BPIFB1: variants seen among roughly 807,000 people sequenced by gnomAD.
The protein encoded by BPIFB1 is BPI fold containing family B member 1.
Under a neutral mutation model 55.1 loss-of-function variants are expected in BPIFB1, and 34 were observed. The ratio of observed to expected loss-of-function variants is 0.62; its 90% CI spans 0.47 to 0.82. The LOEUF (loss-of-function observed/expected upper bound fraction) is 0.82. Ranked by LOEUF, BPIFB1 falls within the 40% of genes least tolerant of loss-of-function variation. The pLI is 0.00. For missense variants in BPIFB1, 532 were observed against 593.1 expected (o/e 0.90, Z 1.07); for synonymous variants, 236 against 245.3 (o/e 0.96, Z 0.35).
intron 11 of BPIFB1, among the ~76,000 whole-genome samples, chr20:33,303,492 C>T (rs1481909169): frequency 6.6e-6 from 1 of 152,180 alleles, no homozygotes; most frequent in Non-Finnish European, 1.5e-5. Context: ...GCATTAGGCT[C>T]ATATCCTATC....
At chr20:33,288,032 C>A (rs1231008852) in intron 2 of BPIFB1, among the ~76,000 whole-genome samples, 1 of 152,216 alleles carries the variant, frequency 6.6e-6, no homozygotes, top group Non-Finnish European at 1.5e-5. Context: ...AACCCAGGAG[C>A]TCTGATACAC....
intron 13 of BPIFB1, among the ~76,000 whole-genome samples, chr20:33,305,320 T>C (rs1980988257): frequency 1.4e-5 from 2 of 144,014 alleles, no homozygotes; most frequent in South Asian, 4.7e-4. Flanking sequence ...TTTTGACTTT[T>C]TTTTTTTTTT....
intron 10 of BPIFB1, 76 bp downstream of exon 10, chr20:33,302,488 A>G: frequency 6.8e-7 from 1 of 1,470,160 alleles, no homozygotes; most frequent in South Asian, 1.1e-5. Context: ...AGGAGAATCT[A>G]GTGGGACTAG....
chr20:33,288,270 C>A (rs937649110), intron 2 of BPIFB1, among the ~76,000 whole-genome samples: 4 of 152,240 alleles, frequency 2.6e-5, no homozygotes, highest in Admixed American at 1.3e-4. Context: ...CTGGCTCCTT[C>A]TTCCTCTGCT....
At chr20:33,292,309 A>G (rs1980500524) in intron 6 of BPIFB1, among the ~76,000 whole-genome samples, 1 of 152,158 alleles carries the variant, frequency 6.6e-6, no homozygotes, top group South Asian at 2.1e-4. Context: ...CCTGGTGGAA[A>G]TACTCCCTTC....
intron 14 of BPIFB1, 98 bp downstream of exon 14, chr20:33,306,163 C>G: frequency 7.9e-7 from 1 of 1,272,396 alleles, no homozygotes; most frequent in Non-Finnish European, 1.1e-6. Flanking sequence ...CATTCATCTC[C>G]CAGCCATCCC....
In BPIFB1 at chr20:33,306,080, C is replaced by T. The variant is rs777788171; in HGVS notation, c.1318+15C>T. On this transcript the variant is annotated intron_variant, in intron 14 of 15. Coordinates refer to ENST00000253354, the MANE Select transcript of BPIFB1 (RefSeq NM_033197.3). ...GAACCAGAATGGTGCATACCTCTGC[C>T]ATCTGTGCCCCCTCTCTCCCCAGGG... The T allele has an allele frequency of 3.3e-5, 53 of 1,613,762 alleles. No homozygotes were observed. The South Asian group carries it at 5.5e-4, about 17-fold the overall frequency.
At chr20:33,292,091 G>C (rs1014210382) in intron 6 of BPIFB1, 103 bp downstream of exon 6, 27 of 1,078,416 alleles carry the variant, frequency 2.5e-5, no homozygotes, top group Non-Finnish European at 3.7e-5. Flanking sequence ...TCCTTGGGTG[G>C]GTTTTGCTGA....
At chr20:33,286,336 G>T (rs1980266010) in intron 2 of BPIFB1, 148 bp downstream of exon 2, 2 of 674,982 alleles carry the variant, frequency 3.0e-6, no homozygotes, top group South Asian at 3.7e-5. Flanking sequence ...AGGTTGTAAA[G>T]GTCTGGAGAG....
chr20:33,308,570 A>G (rs1301242736), intron 15 of BPIFB1, among the ~76,000 whole-genome samples: 1 of 131,652 alleles, frequency 7.6e-6, no homozygotes, highest in African/African-American at 2.9e-5. Context: ...ATACACATAC[A>G]TACACACGCA....
In BPIFB1 at chr20:33,306,022, C is replaced by T; in HGVS notation, c.1275C>T (p.Ile425=). 2 of 1,614,152 alleles carry T rather than the reference C, an allele frequency of 1.2e-6. No homozygotes were observed. Among genetic ancestry groups the T allele is most frequent in the Non-Finnish European group, 1.7e-6 (2 of 1,180,004 alleles). ...GWFQPDVLKN[I]ITEIIHSILL... is the part of the protein sequence containing the mutation. ...CACAGCCTGATGTTCTGAAAAACAT[C>T]ATCACTGAGATCATCCACTCCATCC... Residue 425 remains isoleucine (I), a synonymous_variant, in exon 14 of 16, where the codon ATC becomes ATT. Coordinates refer to ENST00000253354, the MANE Select transcript of BPIFB1 (RefSeq NM_033197.3).
intron 5 of BPIFB1, 57 bp downstream of exon 5, chr20:33,291,163 A>C: frequency 6.3e-7 from 1 of 1,587,350 alleles, no homozygotes; most frequent in South Asian, 1.1e-5. Flanking sequence ...AACGCCAGGC[A>C]GTGGACTTCC....
chr20:33,289,290 A>G lies in BPIFB1; in HGVS notation c.257+408A>G, dbSNP rs1980371790. On this transcript the variant is annotated intron_variant, in intron 3 of 15. Coordinates refer to ENST00000253354, the MANE Select transcript of BPIFB1 (RefSeq NM_033197.3). ...CAGCTACTCAGGAGGCTGAGGCAGG[A>G]GAATCGCTTGAACCTGGGAAGTGGA... Among the ~76,000 whole-genome samples, 4 of 151,094 alleles carry G rather than the reference A, an allele frequency of 2.6e-5. No homozygotes were observed. The Admixed American group carries it at 2.7e-4, about 10-fold the overall frequency.
intron 6 of BPIFB1, among the ~76,000 whole-genome samples, chr20:33,294,104 T>C (rs1305073954): frequency 2.0e-5 from 3 of 152,210 alleles, no homozygotes; most frequent in East Asian, 1.9e-4. Flanking sequence ...GAGTAGCATG[T>C]ATAGTCAAAG....
intron 15 of BPIFB1, among the ~76,000 whole-genome samples, chr20:33,308,220 A>G (rs1568655514): frequency 1.3e-5 from 2 of 152,204 alleles, no homozygotes; most frequent in Non-Finnish European, 2.9e-5. Context: ...AACCATTCAC[A>G]AGAAACCAGC....
intron 7 of BPIFB1, among the ~76,000 whole-genome samples, chr20:33,299,591 T>C (rs1980779524): frequency 6.6e-6 from 1 of 152,234 alleles, no homozygotes; most frequent in Non-Finnish European, 1.5e-5. Flanking sequence ...AGTATGGCTT[T>C]GAACAGGTCA....
chr20:33,304,992 A>G, intron 13 of BPIFB1, 101 bp downstream of exon 13: 1 of 1,360,340 alleles, frequency 7.4e-7, no homozygotes, highest in South Asian at 1.2e-5. Flanking sequence ...CAAGGTCCCC[A>G]CAGAAGCACC....
At chr20:33,292,626 C>A (rs1283410423) in intron 6 of BPIFB1, among the ~76,000 whole-genome samples, 1 of 152,216 alleles carries the variant, frequency 6.6e-6, no homozygotes, top group South Asian at 2.1e-4. Flanking sequence ...TACAAGCTGG[C>A]TCTAGCACGG....
At chr20:33,295,339 C>T (rs1303270984) in intron 6 of BPIFB1, among the ~76,000 whole-genome samples, 1 of 151,438 alleles carries the variant, frequency 6.6e-6, no homozygotes, top group African/African-American at 2.4e-5. Context: ...GTCGTGGCGG[C>T]TCACTCCTAT....
Sources: gnomAD v4.1 joint callset for allele counts (sites outside exome capture counted in the v4.1 genomes callset) on GRCh38, gnomAD v4.1.1 for gene constraint, MANE v1.5 for transcripts, NCBI Gene and HGNC (gene_info 2026-07-23, HGNC 2026-07-21) for gene names.